MACROD2: variants seen among roughly 807,000 people sequenced by gnomAD.
MACROD2 encodes mono-ADP ribosylhydrolase 2.
MACROD2 carries 36 observed loss-of-function variants against 70.4 expected under a neutral mutation model. That is an observed-to-expected ratio of 0.51 (90% CI 0.39 to 0.68). The LOEUF (loss-of-function observed/expected upper bound fraction) is 0.68, where lower values mean the gene tolerates loss of function less well. Among genes scored for constraint, MACROD2 ranks in the 30% least tolerant of loss-of-function variants. The pLI, the probability that MACROD2 is intolerant of heterozygous loss-of-function variation, is 0.00. For missense variants in MACROD2, 496 were observed against 538.4 expected (o/e 0.92, Z 0.78); for synonymous variants, 172 against 178.8 (o/e 0.96, Z 0.30).
At chr20:15,233,618 A>G (rs922408979) in intron 6 of MACROD2, among the ~76,000 whole-genome samples, 1 of 152,038 alleles carries the variant, frequency 6.6e-6, no homozygotes, top group Non-Finnish European at 1.5e-5. Context: ...TTCTCCATGC[A>G]TTGTTTGTAA....
At chr20:15,086,029 C>A (rs1443492382) in intron 5 of MACROD2, among the ~76,000 whole-genome samples, 1 of 151,976 alleles carries the variant, frequency 6.6e-6, no homozygotes, top group East Asian at 1.9e-4. Context: ...CCAACCAGAT[C>A]TACTGAATTA....
At chr20:16,034,402 A>C (rs1428395012) in intron 15 of MACROD2, among the ~76,000 whole-genome samples, 3 of 151,994 alleles carry the variant, frequency 2.0e-5, no homozygotes, top group Admixed American at 2.0e-4. Flanking sequence ...TAGACAGTGA[A>C]CTGGGAAGTC....
intron 3 of MACROD2, among the ~76,000 whole-genome samples, chr20:14,439,911 A>G (rs1486199834): frequency 6.6e-6 from 1 of 152,154 alleles, no homozygotes; most frequent in Non-Finnish European, 1.5e-5. Flanking sequence ...AGAGTTAAGC[A>G]GTAAAAGAAA....
intron 4 of MACROD2, among the ~76,000 whole-genome samples, chr20:14,588,205 T>TC (rs1981515870): frequency 6.6e-6 from 1 of 152,170 alleles, no homozygotes; most frequent in South Asian, 2.1e-4. Context: ...TCATGGTTTT[T>TC]CCCTCTGGTT....
intron 8 of MACROD2, among the ~76,000 whole-genome samples, chr20:15,718,495 G>T (rs184572950): frequency 5.3e-4 from 81 of 152,310 alleles, no homozygotes; most frequent in African/African-American, 1.9e-3. Context: ...GGTAGTATTT[G>T]TTCCAAGCCC....
chr20:15,951,506 A>T (rs2065905799), intron 12 of MACROD2, among the ~76,000 whole-genome samples: 1 of 152,158 alleles, frequency 6.6e-6, no homozygotes, highest in Non-Finnish European at 1.5e-5. Flanking sequence ...GCATTTAATG[A>T]GAAGATTGTT....
At chr20:14,612,295 C>G (rs1017487891) in intron 4 of MACROD2, among the ~76,000 whole-genome samples, 5 of 152,068 alleles carry the variant, frequency 3.3e-5, no homozygotes, top group Admixed American at 6.6e-5. Flanking sequence ...ATGAAAGTTA[C>G]AAAGCCTTAT....
chr20:15,193,741 C>T (rs2076586910), intron 5 of MACROD2, among the ~76,000 whole-genome samples: 1 of 151,836 alleles, frequency 6.6e-6, no homozygotes, highest in African/African-American at 2.4e-5. Flanking sequence ...TTCCCCAGCC[C>T]CGCTGTCACT....
At chr20:15,086,246 G>A (rs185443504) in intron 5 of MACROD2, among the ~76,000 whole-genome samples, 6 of 152,212 alleles carry the variant, frequency 3.9e-5, no homozygotes, top group East Asian at 1.9e-4. Flanking sequence ...ATTGCATTTC[G>A]TGGCTAACTT....
At chr20:14,827,725 T>C (rs1252077739) in intron 5 of MACROD2, among the ~76,000 whole-genome samples, 1 of 152,166 alleles carries the variant, frequency 6.6e-6, no homozygotes, top group Non-Finnish European at 1.5e-5. Flanking sequence ...ACATACTCTT[T>C]GCTGTGTTTC....
intron 3 of MACROD2, among the ~76,000 whole-genome samples, chr20:14,328,163 G>A (rs892954110): frequency 6.6e-6 from 1 of 151,868 alleles, no homozygotes; most frequent in African/African-American, 2.4e-5. Context: ...ATTTTCTTTG[G>A]TTATTAATTT....
chr20:15,735,601 G>A (rs531596665), intron 8 of MACROD2, among the ~76,000 whole-genome samples: 16 of 152,248 alleles, frequency 1.1e-4, no homozygotes, highest in Non-Finnish European at 1.9e-4. Context: ...CTTTTAACCC[G>A]GGACAATGAC....
intron 5 of MACROD2, among the ~76,000 whole-genome samples, chr20:14,843,125 A>G (rs1475199804): frequency 1.3e-5 from 2 of 151,426 alleles, no homozygotes; most frequent in Non-Finnish European, 2.9e-5. Context: ...TAATTTTTAT[A>G]AAACAACTAT....
chr20:15,934,502 C>T (rs775894578), intron 11 of MACROD2, among the ~76,000 whole-genome samples: 2 of 152,076 alleles, frequency 1.3e-5, no homozygotes, highest in Non-Finnish European at 2.9e-5. Flanking sequence ...CCTCCCCCAC[C>T]CCCAACCCAC....
intron 3 of MACROD2, among the ~76,000 whole-genome samples, chr20:14,371,362 C>T (rs2122746595): frequency 6.6e-6 from 1 of 152,062 alleles, no homozygotes; most frequent in Admixed American, 6.5e-5. Flanking sequence ...TGGTGTGTGC[C>T]TGTAGTCTCA....
intron 5 of MACROD2, among the ~76,000 whole-genome samples, chr20:15,062,870 C>T (rs2075544107): frequency 6.6e-6 from 1 of 152,150 alleles, no homozygotes; most frequent in African/African-American, 2.4e-5. Flanking sequence ...CAATTCTTGC[C>T]TCCTGCACTG....
chr20:14,811,078 G>A (rs2072704561), intron 5 of MACROD2, among the ~76,000 whole-genome samples: 1 of 151,730 alleles, frequency 6.6e-6, no homozygotes, highest in Non-Finnish European at 1.5e-5. Context: ...CACAGAATTA[G>A]AAAAACTACT....
intron 7 of MACROD2, among the ~76,000 whole-genome samples, chr20:15,454,150 A>G (rs1019843286): frequency 6.6e-6 from 1 of 152,148 alleles, no homozygotes; most frequent in African/African-American, 2.4e-5. Context: ...GTTGACACAC[A>G]GTTATGACCA....
At chr20:15,147,499 A>T (rs2076239040) in intron 5 of MACROD2, among the ~76,000 whole-genome samples, 1 of 149,192 alleles carries the variant, frequency 6.7e-6, no homozygotes, top group South Asian at 2.1e-4. Context: ...TCATTCCAAC[A>T]GATTTTTTTT....
Sources: gnomAD v4.1 joint callset for allele counts (sites outside exome capture counted in the v4.1 genomes callset) on GRCh38, gnomAD v4.1.1 for gene constraint, MANE v1.5 for transcripts, NCBI Gene and HGNC (gene_info 2026-07-23, HGNC 2026-07-21) for gene names.